Variants in CELSR1 observed in about 807,000 individuals in gnomAD.
CELSR1 encodes the protein adhesion G protein-coupled receptor C1.
In CELSR1, 110 loss-of-function variants were observed where a neutral mutation model predicts 249.1. That is an observed-to-expected ratio of 0.44 (90% CI 0.38 to 0.52). The LOEUF is 0.52. CELSR1 is among the 20% of genes least tolerant of loss of function. The probability of loss-of-function intolerance (pLI) is 0.00; values close to 1 mark genes in which losing one functional copy is unlikely to be tolerated. For synonymous variants in CELSR1, 2,113 were observed against 1,900.0 expected, an observed-to-expected ratio of 1.11 and a Z score of -2.92; for missense variants, 4,109 against 4,296.4, an observed-to-expected ratio of 0.96 and a Z score of 1.22.
At chr22:46,416,319 G>C (rs73448543) in intron 5 of CELSR1, among the ~76,000 whole-genome samples, 1 of 152,222 alleles carries the variant, frequency 6.6e-6, no homozygotes, top group East Asian at 1.9e-4. Flanking sequence ...CAGCGCCCCG[G>C]CACCTGCCCT....
intron 3 of CELSR1, 84 bp downstream of exon 3, chr22:46,439,105 A>G: frequency 1.5e-6 from 2 of 1,311,952 alleles, no homozygotes; most frequent in Non-Finnish European, 1.1e-6. Context: ...CATCAACGTC[A>G]CGATCTAGAG....
At position 46,432,603 on chromosome 22, in the gene CELSR1, A is replaced by G. The variant is rs543072693; in HGVS notation, c.4611+790T>C. Among the ~76,000 whole-genome samples the G allele has an allele frequency of 2.0e-5, 3 of 152,364 alleles. No homozygotes were observed. In the East Asian group the frequency reaches 5.8e-4, roughly 29 times the overall value. The stretch of plus-strand genomic sequence containing the variant: ...GCACAGCATTTTGATGCAAAAAACA[A>G]TGTGTTTCCTTACAAGCCAACGAAC... On this transcript the variant is annotated intron_variant, in intron 5 of 34. Transcript: ENST00000674500.
chr22:46,470,860 C>T (rs561867379), intron 1 of CELSR1, among the ~76,000 whole-genome samples: 1 of 152,272 alleles, frequency 6.6e-6, no homozygotes, highest in South Asian at 2.1e-4. Context: ...AGCAGTGGCT[C>T]ACACCTGTAA....
chr22:46,378,476 G>A, intron 23 of CELSR1, 115 bp downstream of exon 23: 5 of 1,151,456 alleles, frequency 4.3e-6, no homozygotes, highest in Non-Finnish European at 6.2e-6. Context: ...AGATTTGGGG[G>A]CAGGCTCAGC....
intron 1 of CELSR1, among the ~76,000 whole-genome samples, chr22:46,480,023 T>G (rs1275223046): frequency 6.6e-6 from 1 of 152,092 alleles, no homozygotes; most frequent in African/African-American, 2.4e-5. Flanking sequence ...AAAAACCAGG[T>G]TTTTCCAAAT....
chr22:46,536,322 GTAA>G lies in CELSR1; in HGVS notation c.846_848del (p.Tyr283del). 2 of 1,612,800 alleles carry G rather than the reference GTAA, an allele frequency of 1.2e-6. No homozygotes were observed. Among genetic ancestry groups the G allele is most frequent in the Non-Finnish European group, 1.7e-6 (2 of 1,179,952 alleles). ...AGCGCTCGTCGAACAGCCCCTCCAT[GTAA>G]TAGCTCACGCGCTCCTCCTCGCCCT... On this transcript the variant is annotated inframe_deletion, in exon 1 of 35. Transcript: ENST00000674500.
rs2080080914 is a variant in CELSR1 at position 46,464,992 on chromosome 22, GAC to G, written c.3545-649_3545-648del. 6.6e-6 allele frequency among the ~76,000 whole-genome samples: 1 copy of G among 152,220 alleles called. No homozygotes were observed. The highest frequency in any genetic ancestry group is 2.1e-4 in the South Asian group (1 of 4,830). On this transcript the variant is annotated intron_variant, in intron 1 of 34. Coordinates refer to ENST00000674500, the MANE Select transcript of CELSR1 (RefSeq NM_001378328.1). This position sits in a 1 kb window ranked among gnomAD's most constrained non-coding sequence, Gnocchi z 8.5. The stretch of plus-strand genomic sequence containing the variant: ...GGGCCGAGGAGCACCGCTTTACAAA[GAC>G]ACACAGCAGCCTCTCAGCCAGCAGT...
Position 46,506,962 on chromosome 22 carries a change from C to T in CELSR1, c.3544+26665G>A, listed in dbSNP as rs1409432082. 2.6e-5 allele frequency among the ~76,000 whole-genome samples: 4 copies of T among 152,050 alleles called. No individual in the cohort carries two copies. Among genetic ancestry groups the T allele is most frequent in the Non-Finnish European group, 4.4e-5 (3 of 68,026 alleles). ...TTGTAATCCCAGCACTTTGGGAGGCCGAGGCGGGTGGATCACCTGAGGTCA... is the reference window on the plus strand; with the variant it reads ...TTGTAATCCCAGCACTTTGGGAGGCTGAGGCGGGTGGATCACCTGAGGTCA... On this transcript the variant is annotated intron_variant, in intron 1 of 34. Coordinates refer to ENST00000674500, the MANE Select transcript of CELSR1 (RefSeq NM_001378328.1). This position sits in a 1 kb window ranked among gnomAD's most constrained non-coding sequence, Gnocchi z 4.1.
rs758640071 is a variant in CELSR1 at position 46,535,025 on chromosome 22, C to A, written c.2146G>T (p.Ala716Ser). The change falls in exon 1 of 35, where the codon GCC (alanine) becomes TCC (serine). Residue 716 changes from alanine to serine, a missense_variant. Coordinates refer to ENST00000674500, the MANE Select transcript of CELSR1 (RefSeq NM_001378328.1). Reference sequence around the variant, plus strand: ...AGCTGGTAGGTAATCACACTGTTGGCGTCACGGTCGCGGGCCTGCAGGGTC... The same window carrying A: ...AGCTGGTAGGTAATCACACTGTTGGAGTCACGGTCGCGGGCCTGCAGGGTC... ...VLTLQARDRD[A>S]NSVITYQLTG... The A allele has an allele frequency of 6.2e-7, 1 of 1,612,286 alleles. No homozygotes were observed. The highest frequency in any genetic ancestry group is 1.3e-5 in the African/African-American group (1 of 74,892).
chr22:46,382,088 C>T, intron 20 of CELSR1, 38 bp from the exon 21 acceptor site: 1 of 1,466,254 alleles, frequency 6.8e-7, no homozygotes, highest in Non-Finnish European at 9.0e-7. Context: ...CTGGCAGGAG[C>T]ACCTGTGTTC....
rs749952660 is a variant in CELSR1, at chr22:46,366,403, C to T, written c.8283G>A (p.Ser2761=). 5.2e-6 allele frequency: 8 copies of T among 1,549,236 alleles called. No individual in the cohort carries two copies. The highest frequency in any genetic ancestry group is 2.4e-5 in the South Asian group (2 of 83,988). ...GGCCTGACCTGACGATGCTGTCCAG[C>T]GAGGCGGTGGACTCGCCCAAGTCTG... ...LRTDLGESTA[S]LDSIVRDEGI... Residue 2761 remains serine, a synonymous_variant, in exon 30 of 35, where the codon TCG becomes TCA. Coordinates refer to ENST00000674500, the MANE Select transcript of CELSR1 (RefSeq NM_001378328.1).
At position 46,535,398 on chromosome 22, in the gene CELSR1, G is replaced by A. The variant is rs778956526; in HGVS notation, c.1773C>T (p.Asp591=). The stretch of plus-strand genomic sequence containing the variant: ...GCCGGGCGTTCTCTCCAGAGTCCGC[G>A]TCCACCGCCTGAATGTGCACCACGG... The part of the protein sequence containing the change: ...GYPVVHIQAV[D]ADSGENARLH... The change falls in exon 1 of 35, where the codon GAC becomes GAT. Residue 591 remains aspartate (D), a synonymous_variant. Coordinates refer to ENST00000674500, the MANE Select transcript of CELSR1 (RefSeq NM_001378328.1). 7 of 1,609,960 alleles carry A rather than the reference G, an allele frequency of 4.3e-6. No homozygotes were observed. Among genetic ancestry groups the A allele is most frequent in the South Asian group, 3.3e-5 (3 of 90,596 alleles).
intron 1 of CELSR1, among the ~76,000 whole-genome samples, chr22:46,478,493 G>A (rs984471235): frequency 1.3e-5 from 2 of 152,072 alleles, no homozygotes; most frequent in Non-Finnish European, 2.9e-5. Flanking sequence ...CTGGCCCGAC[G>A]TGTCCACGAG....
chr22:46,418,049 C>A (rs1016455966), intron 5 of CELSR1, among the ~76,000 whole-genome samples: 1 of 152,202 alleles, frequency 6.6e-6, no homozygotes, highest in South Asian at 2.1e-4. Context: ...CCTCGTGGGA[C>A]GACATGAATG....
At chr22:46,528,270 G>A (rs2080758086) in intron 1 of CELSR1, among the ~76,000 whole-genome samples, 1 of 152,086 alleles carries the variant, frequency 6.6e-6, no homozygotes, top group Non-Finnish European at 1.5e-5. Flanking sequence ...CAAACACTTA[G>A]GGAAGCTTTA....
At chr22:46,421,859 C>T (rs116075356) in intron 5 of CELSR1, among the ~76,000 whole-genome samples, 10 of 152,332 alleles carry the variant, frequency 6.6e-5, no homozygotes, top group South Asian at 2.1e-4. Flanking sequence ...GGGAAGCTCA[C>T]GAAGGGCGTG....
At chr22:46,493,541 G>A (rs774134899) in intron 1 of CELSR1, among the ~76,000 whole-genome samples, 129 of 69,588 alleles carry the variant, frequency 1.9e-3, no homozygotes, top group Admixed American at 2.9e-3. Flanking sequence ...ACGAGACTCC[G>A]TCTCAAAAAA....
chr22:46,498,478 G>A (rs1263884823), intron 1 of CELSR1, among the ~76,000 whole-genome samples: 2 of 151,490 alleles, frequency 1.3e-5, no homozygotes, highest in Non-Finnish European at 2.9e-5. Flanking sequence ...CGGGCGTGGT[G>A]GCAGGGGGCC....
chr22:46,478,415 A>G (rs571722238), intron 1 of CELSR1, among the ~76,000 whole-genome samples: 1 of 152,366 alleles, frequency 6.6e-6, no homozygotes, highest in Admixed American at 6.5e-5. Context: ...CCTGGTTCTG[A>G]GCCAAATGAT....
Sources: gnomAD v4.1 joint callset for allele counts (sites outside exome capture counted in the v4.1 genomes callset) on GRCh38, gnomAD v4.1.1 for gene constraint, Gnocchi (gnomAD v3.1) non-coding constraint, MANE v1.5 for transcripts, NCBI Gene and HGNC (gene_info 2026-07-23, HGNC 2026-07-21) for gene names.